Variants in CMTM1 observed in about 807,000 individuals in gnomAD.
The protein encoded by CMTM1 is CKLF like MARVEL transmembrane domain containing 1.
CMTM1 carries 16 observed loss-of-function variants against 17.8 expected under a neutral mutation model. That is an observed-to-expected ratio of 0.90 (90% CI 0.61 to 1.37). CMTM1 has a LOEUF of 1.37. CMTM1 is among the 40% of genes most tolerant of loss of function. The pLI, the probability that CMTM1 is intolerant of heterozygous loss-of-function variation, is 0.00. For synonymous variants in CMTM1, 169 were observed against 154.6 expected, an observed-to-expected ratio of 1.09 and a Z score of -0.69; for missense variants, 354 against 375.6, an observed-to-expected ratio of 0.94 and a Z score of 0.47.
Position 66,579,119 on chromosome 16 carries a change from G to T in CMTM1, c.*118G>T. ...TAAATGTGACCATAAAATTAGGGCT[G>T]CTGCTTTTATCGAGAACACCTGCTT... On this transcript the variant is annotated 3_prime_UTR_variant, in exon 4 of 4. Coordinates refer to ENST00000379500, the MANE Select transcript of CMTM1 (RefSeq NM_052999.4). The surrounding 1 kb of genome is among the most constrained non-coding windows in gnomAD (Gnocchi z 6.5). 7.4e-7 allele frequency: 1 copy of T among 1,354,796 alleles called. No individual in the cohort carries two copies. Among genetic ancestry groups the T allele is most frequent in the Non-Finnish European group, 9.9e-7 (1 of 1,015,010 alleles). The allele number at this position is 1,354,796 out of a possible 1,614,324, so 83.9% of individuals were successfully genotyped here.
chr16:66,569,876 C>A, intron 1 of CMTM1, 60 bp from the exon 2 acceptor site: 1 of 1,286,846 alleles, frequency 7.8e-7, no homozygotes, highest in Non-Finnish European at 1.1e-6. Context: ...GATTTACATT[C>A]TGACAATGTA....
chr16:66,579,026 G>A lies in CMTM1; in HGVS notation c.*25G>A, dbSNP rs995536939. 3.7e-6 allele frequency: 6 copies of A among 1,608,666 alleles called. No individual in the cohort carries two copies. In the Admixed American group the frequency reaches 5.0e-5, roughly 13 times the overall value. Reference sequence around the variant, plus strand: ...AAGCCAGCCCGGCGCCCTAGCAGATGCACGTGTCTGTCGAATCGCTGCCTC... The same window carrying A: ...AAGCCAGCCCGGCGCCCTAGCAGATACACGTGTCTGTCGAATCGCTGCCTC... On this transcript the variant is annotated 3_prime_UTR_variant, in exon 4 of 4. Transcript: ENST00000379500. This position sits in a 1 kb window ranked among gnomAD's most constrained non-coding sequence, Gnocchi z 6.5.
rs868797652 is a variant in CMTM1 at position 66,578,863 on chromosome 16, C to A, written c.723C>A (p.Cys241Ter). The part of the protein sequence containing the change: ...SLCLTAVIVC[C>*]IDAFVVTTKM... ...GTCTCACAGCGGTAATCGTGTGTTG[C>A]ATCGATGCGTTTGTGGTCACCACGA... Residue 241 changes from cysteine to a stop codon, truncating the protein, a stop_gained, in exon 4 of 4, where the codon TGC (cysteine) becomes TGA (stop). Transcript: ENST00000379500. LOFTEE classifies it low-confidence loss of function (END_TRUNC). 3 of 1,614,084 alleles carry A rather than the reference C, an allele frequency of 1.9e-6. No homozygotes were observed. Among genetic ancestry groups the A allele is most frequent in the Non-Finnish European group, 2.5e-6 (3 of 1,180,024 alleles).
chr16:66,576,299 G>A (rs2014229508), intron 2 of CMTM1, among the ~76,000 whole-genome samples: 1 of 152,108 alleles, frequency 6.6e-6, no homozygotes, highest in African/African-American at 2.4e-5. Context: ...TCAGGAGGTT[G>A]AGGCAGGAGA....
At chr16:66,572,785 T>C (rs1193270865) in intron 2 of CMTM1, among the ~76,000 whole-genome samples, 1 of 152,178 alleles carries the variant, frequency 6.6e-6, no homozygotes, top group Non-Finnish European at 1.5e-5. Context: ...AAGTGGCGAT[T>C]TCTAACTTAA....
chr16:66,571,396 T>C (rs564034076), intron 2 of CMTM1: 1 of 334,228 alleles, frequency 3.0e-6, no homozygotes, highest in African/African-American at 2.2e-5. Flanking sequence ...GATGAGAAAA[T>C]TGGATTAAAG....
intron 2 of CMTM1, chr16:66,575,200 CAG>C (rs2014081358): frequency 1.0e-6 from 1 of 985,360 alleles, no homozygotes; most frequent in East Asian, 1.1e-4. Context: ...CTGGAGTTTG[CAG>C]AGAGTTTACT....
chr16:66,570,509 C>T (rs1407906420), intron 2 of CMTM1, among the ~76,000 whole-genome samples: 2 of 152,098 alleles, frequency 1.3e-5, no homozygotes, highest in Non-Finnish European at 2.9e-5. Flanking sequence ...AGAAAATTGC[C>T]GTGCATACAC....
rs772287541 is a variant in CMTM1 at position 66,578,935 on chromosome 16, G to A, written c.795G>A (p.Arg265=). ...GATTCCTGGGAGTCGAAGTTGAAAG[G>A]AAGCTTTCCCCCGCCAAGGACGCCT... ...LKRFLGVEVE[R]KLSPAKDAYP... Residue 265 remains arginine, a synonymous_variant, in exon 4 of 4, where the codon AGG becomes AGA. Transcript: ENST00000379500. 1 of 1,614,168 alleles carries A rather than the reference G, an allele frequency of 6.2e-7. No homozygotes were observed. The highest frequency in any genetic ancestry group is 8.5e-7 in the Non-Finnish European group (1 of 1,180,026).
At chr16:66,571,622 C>T (rs2013552225) in intron 2 of CMTM1, among the ~76,000 whole-genome samples, 1 of 152,214 alleles carries the variant, frequency 6.6e-6, no homozygotes, top group Non-Finnish European at 1.5e-5. Flanking sequence ...AATTTTATCT[C>T]TGTATCTTGT....
chr16:66,575,723 A>G (rs1462313002), intron 2 of CMTM1, among the ~76,000 whole-genome samples: 2 of 152,218 alleles, frequency 1.3e-5, no homozygotes, highest in Non-Finnish European at 2.9e-5. Context: ...AAATGAGGTT[A>G]AATGATGGAC....
intron 1 of CMTM1, among the ~76,000 whole-genome samples, chr16:66,568,434 A>G (rs1036048067): frequency 6.6e-6 from 1 of 152,206 alleles, no homozygotes; most frequent in Admixed American, 6.5e-5. Context: ...TAAATATTCC[A>G]TTGACATTGT....
At chr16:66,575,095 C>G in intron 2 of CMTM1, 1 of 985,446 alleles carries the variant, frequency 1.0e-6, no homozygotes, top group Non-Finnish European at 1.2e-6. Context: ...CATTAACTAC[C>G]AGGCACCAAA....
At chr16:66,575,296 T>A (rs2014092972) in intron 2 of CMTM1, 1 of 765,942 alleles carries the variant, frequency 1.3e-6, no homozygotes, top group Non-Finnish European at 1.6e-6. Flanking sequence ...TGTTATCAGA[T>A]GCTTTCAGAT....
At chr16:66,575,696 G>C (rs1394458281) in intron 2 of CMTM1, among the ~76,000 whole-genome samples, 2 of 152,194 alleles carry the variant, frequency 1.3e-5, no homozygotes, top group Non-Finnish European at 2.9e-5. Flanking sequence ...GACTTTGGAG[G>C]CTGCTTTGTG....
chr16:66,577,278 T>A, intron 3 of CMTM1, 76 bp downstream of exon 3: 1 of 1,245,708 alleles, frequency 8.0e-7, no homozygotes, highest in Admixed American at 2.0e-5. Context: ...CAGACCCCAT[T>A]ATATCATTAA....
chr16:66,578,876 G>C lies in CMTM1; in HGVS notation c.736G>C (p.Val246Leu). The C allele has an allele frequency of 6.2e-7, 1 of 1,614,202 alleles. No individual in the cohort carries two copies. ...AATCGTGTGTTGCATCGATGCGTTTGTGGTCACCACGAAGATGAGGACCAA... is the reference window on the plus strand; with the variant it reads ...AATCGTGTGTTGCATCGATGCGTTTCTGGTCACCACGAAGATGAGGACCAA... ...AVIVCCIDAFVVTTKMRTNLK... is the reference protein window; with the variant it reads ...AVIVCCIDAFLVTTKMRTNLK... The change falls in exon 4 of 4, where the codon GTG becomes CTG. Residue 246 changes from valine (V) to leucine (L), a missense_variant. Transcript: ENST00000379500.
chr16:66,570,138 T>TTA, intron 2 of CMTM1, 44 bp downstream of exon 2: 1 of 1,502,730 alleles, frequency 6.7e-7, no homozygotes, highest in Non-Finnish European at 9.0e-7. Flanking sequence ...AGCTTTGCCC[T>TTA]CAGCCCCAGA....
Position 66,569,771 on chromosome 16 carries a change from TTTA to T in CMTM1, c.433-159_433-157del, listed in dbSNP as rs555857795. 4.2e-3 allele frequency among the ~76,000 whole-genome samples: 637 copies of T among 152,352 alleles called. 2 individuals carry two copies. Among genetic ancestry groups the T allele is most frequent in the African/African-American group, 0.014 (592 of 41,582 alleles). ...TTATCCTTCTATACTGTGTGCTTTT[TTTA>T]TTATTTTCATGTATTTCATTTCTTC... On this transcript the variant is annotated intron_variant, in intron 1 of 3. Coordinates refer to ENST00000379500, the MANE Select transcript of CMTM1 (RefSeq NM_052999.4).
Sources: allele counts gnomAD v4.1 joint callset (sites outside exome capture counted in the v4.1 genomes callset), GRCh38; gene constraint gnomAD v4.1.1; non-coding constraint Gnocchi (gnomAD v3.1); transcripts MANE v1.5; gene names NCBI Gene and HGNC (gene_info 2026-07-23, HGNC 2026-07-21).